The following ADCY8 variants were observed in gnomAD, a reference collection of about 807,000 sequenced individuals.
ADCY8 encodes adenylate cyclase type 8.
ADCY8 carries 51 observed loss-of-function variants against 119.7 expected under a neutral mutation model. The observed-to-expected ratio is 0.43, with a 90% confidence interval of 0.34 to 0.54. ADCY8 has a LOEUF of 0.54. Among genes scored for constraint, ADCY8 ranks in the 20% least tolerant of loss-of-function variants. The probability of loss-of-function intolerance (pLI) is 0.03; values close to 1 mark genes in which losing one functional copy is unlikely to be tolerated. For missense variants in ADCY8, 1,383 were observed against 1,598.8 expected (o/e 0.87, Z 2.30); for synonymous variants, 665 against 651.0 (o/e 1.02, Z -0.33).
At chr8:130,993,388 T>G (rs960129856) in intron 1 of ADCY8, among the ~76,000 whole-genome samples, 1 of 152,192 alleles carries the variant, frequency 6.6e-6, no homozygotes, top group Non-Finnish European at 1.5e-5. Context: ...TTTCAGCAGT[T>G]TATATACCAA....
intron 1 of ADCY8, among the ~76,000 whole-genome samples, chr8:130,997,290 C>T (rs1822809574): frequency 6.6e-6 from 1 of 151,916 alleles, no homozygotes; most frequent in South Asian, 2.1e-4. Context: ...CGTAAGTCTG[C>T]ACGCACTTGT....
chr8:130,998,577 TG>T (rs1822850367), intron 1 of ADCY8, among the ~76,000 whole-genome samples: 1 of 152,090 alleles, frequency 6.6e-6, no homozygotes, highest in African/African-American at 2.4e-5. Context: ...TCTTAGCACT[TG>T]GAAACATGAC....
At chr8:130,829,892 A>G in intron 12 of ADCY8, among the ~76,000 whole-genome samples, 1 of 152,240 alleles carries the variant, frequency 6.6e-6, no homozygotes, top group African/African-American at 2.4e-5. Flanking sequence ...AATGGCTGAC[A>G]GCAATCAAAC....
chr8:131,024,976 T>A (rs924269773), intron 1 of ADCY8, among the ~76,000 whole-genome samples: 12 of 152,196 alleles, frequency 7.9e-5, no homozygotes, highest in African/African-American at 2.9e-4. Context: ...TTATAACTCA[T>A]GGAATAAAAT....
intron 1 of ADCY8, among the ~76,000 whole-genome samples, chr8:131,005,284 G>C (rs180881284): frequency 6.6e-6 from 1 of 152,302 alleles, no homozygotes; most frequent in Admixed American, 6.5e-5. Flanking sequence ...CTTAGTATTT[G>C]CCTGATACAC....
chr8:130,807,109 A>G (rs1815986913), intron 14 of ADCY8, among the ~76,000 whole-genome samples: 1 of 152,248 alleles, frequency 6.6e-6, no homozygotes, highest in Admixed American at 6.5e-5. Flanking sequence ...GACTTAGTAG[A>G]GGATTTTGAA....
chr8:130,891,091 G>C (rs1416496382), intron 7 of ADCY8, among the ~76,000 whole-genome samples: 1 of 152,108 alleles, frequency 6.6e-6, no homozygotes, highest in Non-Finnish European at 1.5e-5. Flanking sequence ...TTCAGAAGTA[G>C]GTAGGGCCAG....
At chr8:131,005,628 T>G (rs978432773) in intron 1 of ADCY8, among the ~76,000 whole-genome samples, 1 of 152,224 alleles carries the variant, frequency 6.6e-6, no homozygotes, top group African/African-American at 2.4e-5. Context: ...CATTTGGGCT[T>G]TGCCATGGCT....
intron 14 of ADCY8, among the ~76,000 whole-genome samples, chr8:130,806,649 G>A (rs1005551901): frequency 1.3e-5 from 2 of 152,196 alleles, no homozygotes; most frequent in African/African-American, 2.4e-5. Flanking sequence ...GGCCTTGGGA[G>A]GAGATATTAA....
intron 2 of ADCY8, among the ~76,000 whole-genome samples, chr8:130,967,856 A>G (rs1343870071): frequency 3.3e-5 from 5 of 152,188 alleles, no homozygotes; most frequent in African/African-American, 7.2e-5. Flanking sequence ...GGAGACCCCA[A>G]TGCATAAGGC....
At position 130,849,217 on chromosome 8, in the gene ADCY8, G is replaced by A. The variant is rs560704630; in HGVS notation, c.2412+385C>T. On this transcript the variant is annotated intron_variant, in intron 10 of 17. Coordinates refer to ENST00000286355, the MANE Select transcript of ADCY8 (RefSeq NM_001115.3). ...GGGGATAATTAAACTTACCTCACGGGGTTTATGTGAGGATTAAATATGAAA... is the reference window on the plus strand; with the variant it reads ...GGGGATAATTAAACTTACCTCACGGAGTTTATGTGAGGATTAAATATGAAA... Among the ~76,000 whole-genome samples, 31 of 152,162 alleles carry A rather than the reference G, an allele frequency of 2.0e-4. No individual in the cohort carries two copies. The South Asian group carries it at 5.6e-3, about 28-fold the overall frequency.
Position 130,835,170 on chromosome 8 carries a change from G to A in ADCY8, c.2675+1107C>T, listed in dbSNP as rs184278952. 5.9e-5 allele frequency among the ~76,000 whole-genome samples: 9 copies of A among 152,276 alleles called. No individual in the cohort carries two copies. In the East Asian group the frequency reaches 1.7e-3, roughly 29 times the overall value. On this transcript the variant is annotated intron_variant, in intron 12 of 17. Transcript: ENST00000286355. The stretch of plus-strand genomic sequence containing the variant: ...AGTCCTGTGTGCTTCCAATACCTGA[G>A]ACCAATCAGCCTGGACTGGCTCCTT...
rs569727003 is a variant in ADCY8 at position 130,929,120 on chromosome 8, C to T, written c.1481+7953G>A. Among the ~76,000 whole-genome samples the T allele has an allele frequency of 2.0e-5, 3 of 152,032 alleles. No homozygotes were observed. The East Asian group carries it at 5.8e-4, about 29-fold the overall frequency. On this transcript the variant is annotated intron_variant, in intron 5 of 17. Coordinates refer to ENST00000286355, the MANE Select transcript of ADCY8 (RefSeq NM_001115.3). ...ACTTTATCTTTTCAAAAAAAATCAA[C>T]TCTTGGTTTTGTTTATTTTTTCTAG...
In ADCY8 at chr8:130,867,874, C is replaced by G. The variant is rs373937671; in HGVS notation, c.2182G>C (p.Ala728Pro). The change falls in exon 9 of 18, where the codon GCA (alanine) becomes CCA (proline). Residue 728 changes from alanine (A) to proline (P), a missense_variant. Ala to Pro is a conservative substitution (Grantham distance 27). Transcript: ENST00000286355. ...CAFIVLLFIT[A>P]IQSLLPSSRV... Reference sequence around the variant, plus strand: ...GAAGAAGGAAGCAAACTTTGTATTGCCGTGATAAATAGAAGAACGATAAAT... The same window carrying G: ...GAAGAAGGAAGCAAACTTTGTATTGGCGTGATAAATAGAAGAACGATAAAT... 100 of 1,611,416 alleles carry G rather than the reference C, an allele frequency of 6.2e-5. 2 individuals carry two copies. The highest frequency in any genetic ancestry group is 2.3e-4 in the African/African-American group (17 of 74,908).
intron 5 of ADCY8, among the ~76,000 whole-genome samples, chr8:130,911,977 C>G (rs1342460333): frequency 1.3e-5 from 2 of 152,176 alleles, no homozygotes; most frequent in African/African-American, 4.8e-5. Context: ...TAGACTCCAG[C>G]CATCCAAACA....
At chr8:130,855,879 A>G (rs1350169764) in intron 9 of ADCY8, among the ~76,000 whole-genome samples, 1 of 151,968 alleles carries the variant, frequency 6.6e-6, no homozygotes, top group African/African-American at 2.4e-5. Context: ...GGTCATCCCA[A>G]ATCCAGATTT....
chr8:130,852,264 T>G (rs372739748), intron 9 of ADCY8, among the ~76,000 whole-genome samples: 1 of 152,258 alleles, frequency 6.6e-6, no homozygotes, highest in South Asian at 2.1e-4. Context: ...TTTTTTTTGT[T>G]TGTTTTTGAC....
chr8:130,899,749 T>A (rs1819533969), intron 7 of ADCY8, among the ~76,000 whole-genome samples: 1 of 152,214 alleles, frequency 6.6e-6, no homozygotes, highest in South Asian at 2.1e-4. Flanking sequence ...GATATAGATT[T>A]TACTCAGAGC....
At position 130,919,372 on chromosome 8, in the gene ADCY8, C is replaced by A. The variant is rs776198052; in HGVS notation, c.1482-9506G>T. Among the ~76,000 whole-genome samples the A allele has an allele frequency of 3.5e-4, 53 of 152,100 alleles. 1 individual carries two copies. Among genetic ancestry groups the A allele is most frequent in the Non-Finnish European group, 5.4e-4 (37 of 68,024 alleles). ...GGGCTATGGCCAGGCCAGCTGTAGG[C>A]ACATAGATACAGTGAGAGCAAGAAC... On this transcript the variant is annotated intron_variant, in intron 5 of 17. Transcript: ENST00000286355.
Sources: allele counts gnomAD v4.1 joint callset (sites outside exome capture counted in the v4.1 genomes callset), GRCh38; gene constraint gnomAD v4.1.1; transcripts MANE v1.5; gene names NCBI Gene and HGNC (gene_info 2026-07-23, HGNC 2026-07-21).